SMARCA5: variants seen among roughly 807,000 people sequenced by gnomAD.
SMARCA5 encodes the protein SNF2 related chromatin remodeling ATPase 5.
Under a neutral mutation model 140.4 loss-of-function variants are expected in SMARCA5, and 18 were observed. The observed-to-expected ratio is 0.13, with a 90% confidence interval of 0.09 to 0.19. SMARCA5 has a LOEUF of 0.19. SMARCA5 is among the 10% of genes least tolerant of loss of function. SMARCA5 has a pLI of 1.00. For synonymous variants in SMARCA5, 449 were observed against 419.6 expected, an observed-to-expected ratio of 1.07 and a Z score of -0.86; for missense variants, 606 against 1,276.8, an observed-to-expected ratio of 0.47 and a Z score of 8.01.
chr4:143,513,996 C>T lies in SMARCA5; in HGVS notation c.72C>T (p.Ile24=), dbSNP rs1168087556. 1 of 1,564,792 alleles carries T rather than the reference C, an allele frequency of 6.4e-7. No homozygotes were observed. The highest frequency in any genetic ancestry group is 8.6e-7 in the Non-Finnish European group (1 of 1,163,310). Residue 24 remains isoleucine, a synonymous_variant, in exon 1 of 24, where the codon ATC becomes ATT. Coordinates refer to ENST00000283131, the MANE Select transcript of SMARCA5 (RefSeq NM_003601.4). ...ESAPSKPAAS[I]ASGGSNSSNK... is the part of the protein sequence containing the mutation. Reference sequence around the variant, plus strand: ...CGCCTTCCAAGCCCGCAGCCTCGATCGCCAGCGGCGGGAGCAACAGCAGCA... The same window carrying T: ...CGCCTTCCAAGCCCGCAGCCTCGATTGCCAGCGGCGGGAGCAACAGCAGCA...
chr4:143,547,266 T>C (rs982223328), intron 20 of SMARCA5, 119 bp from the exon 21 acceptor site: 7 of 612,804 alleles, frequency 1.1e-5, no homozygotes, highest in Non-Finnish European at 2.0e-5. Flanking sequence ...CTGTGGTGAG[T>C]CTGCTTAGAA....
At chr4:143,526,080 GATA>G (rs1456329716) in intron 5 of SMARCA5, among the ~76,000 whole-genome samples, 198 bp from the exon 6 acceptor site, 3 of 152,174 alleles carry the variant, frequency 2.0e-5, no homozygotes, top group Admixed American at 6.5e-5. Flanking sequence ...TTATGCGGGT[GATA>G]ATAATACCTC....
Position 143,514,121 on chromosome 4 carries a change from T to G in SMARCA5, c.177+20T>G, listed in dbSNP as rs751335601. On this transcript the variant is annotated intron_variant, in intron 1 of 23. Transcript: ENST00000283131. ...ATGGAGGTGAGGGCGACTTGCGGCA[T>G]GGGGAGCGGGTGCAGCGGGGAGGAG... 7 of 1,515,492 alleles carry G rather than the reference T, an allele frequency of 4.6e-6. No homozygotes were observed. The African/African-American group carries it at 8.4e-5, about 18-fold the overall frequency. The allele number at this position is 1,515,492 out of a possible 1,614,324, so 93.9% of individuals were successfully genotyped here. A position where few individuals can be genotyped will look rare whatever the true frequency, so the allele number is the denominator to read the frequency against.
intron 23 of SMARCA5, among the ~76,000 whole-genome samples, chr4:143,551,864 C>A (rs1017677526): frequency 6.6e-6 from 1 of 151,904 alleles, no homozygotes; most frequent in Non-Finnish European, 1.5e-5. Context: ...CAGTTTTATT[C>A]TTTTTGCTTA....
chr4:143,548,318 ATCT>A, intron 22 of SMARCA5, 178 bp downstream of exon 22: 1 of 438,152 alleles, frequency 2.3e-6, no homozygotes, highest in Non-Finnish European at 4.1e-6. Context: ...ATCCTTTAGT[ATCT>A]TACGTCTTTA....
chr4:143,554,949 A>G lies in SMARCA5; in HGVS notation c.*1765A>G, dbSNP rs1578809107. 2 of 387,054 alleles carry G rather than the reference A, an allele frequency of 5.2e-6. No homozygotes were observed. Among genetic ancestry groups the G allele is most frequent in the Non-Finnish European group, 9.8e-6 (2 of 204,468 alleles). 24.0% of individuals were successfully genotyped at this position (387,054 alleles called of 1,614,324 possible). On this transcript the variant is annotated 3_prime_UTR_variant, in exon 24 of 24. Coordinates refer to ENST00000283131, the MANE Select transcript of SMARCA5 (RefSeq NM_003601.4). Reference sequence around the variant, plus strand: ...AACTGTGTGAAGGGAAACTCACTTGAAAAAAAAGCATGAACCAGCTAGGCC... The same window carrying G: ...AACTGTGTGAAGGGAAACTCACTTGGAAAAAAAGCATGAACCAGCTAGGCC...
In SMARCA5 at chr4:143,524,451, T is replaced by C. The variant is rs1466022314; in HGVS notation, c.504T>C (p.Phe168=). The part of the protein sequence containing the change: ...SSKATNVCTR[F]EDSPSYVKWG... ...AAGCAACCAATGTTTGCACTCGATT[T>C]GAAGACTCTCCATCGTGTATGTTAA... The change falls in exon 4 of 24, where the codon TTT becomes TTC. Residue 168 remains phenylalanine, a synonymous_variant. Transcript: ENST00000283131. The C allele has an allele frequency of 1.2e-6, 2 of 1,610,080 alleles. No homozygotes were observed. Among genetic ancestry groups the C allele is most frequent in the Non-Finnish European group, 1.7e-6 (2 of 1,176,678 alleles).
intron 14 of SMARCA5, among the ~76,000 whole-genome samples, chr4:143,541,741 C>T (rs1023721700): frequency 6.6e-6 from 1 of 152,154 alleles, no homozygotes; most frequent in Non-Finnish European, 1.5e-5. Context: ...GCTGCCACCC[C>T]GTGATGTTAT....
At position 143,514,044 on chromosome 4, in the gene SMARCA5, C is replaced by A; in HGVS notation, c.120C>A (p.Val40=). Residue 40 remains valine, a synonymous_variant, in exon 1 of 24, where the codon GTC becomes GTA. Coordinates refer to ENST00000283131, the MANE Select transcript of SMARCA5 (RefSeq NM_003601.4). ...GCAACAAAGGCGGCCCCGAAGGCGT[C>A]GCGGCGCAGGCGGTTGCGTCTGCGG... The part of the protein sequence containing the change: ...NSSNKGGPEG[V]AAQAVASAAS... 6.4e-7 allele frequency: 1 copy of A among 1,559,332 alleles called. No homozygotes were observed. The highest frequency in any genetic ancestry group is 8.6e-7 in the Non-Finnish European group (1 of 1,160,904).
In SMARCA5 at chr4:143,548,066, G is replaced by A; in HGVS notation, c.2911G>A (p.Asp971Asn). 1 of 1,612,994 alleles carries A rather than the reference G, an allele frequency of 6.2e-7. No individual in the cohort carries two copies. Among genetic ancestry groups the A allele is most frequent in the Non-Finnish European group, 8.5e-7 (1 of 1,179,254 alleles). Residue 971 changes from aspartate (D) to asparagine (N), a missense_variant, in exon 22 of 24, where the codon GAT becomes AAT. Physicochemically the swap from Asp to Asn is conservative, Grantham distance 23. Coordinates refer to ENST00000283131, the MANE Select transcript of SMARCA5 (RefSeq NM_003601.4). The stretch of plus-strand genomic sequence containing the variant: ...TGGATTTGACAAAGAAAATGTTTAT[G>A]ATGAATTGCGACAGTGTATTCGCAA... ...KLGFDKENVY[D>N]ELRQCIRNSP...
intron 14 of SMARCA5, 32 bp from the exon 15 acceptor site, chr4:143,543,472 TGTTCA>T (rs1578803329): frequency 6.4e-7 from 1 of 1,563,240 alleles, no homozygotes; most frequent in East Asian, 2.3e-5. Flanking sequence ...AAATAAAGTC[TGTTCA>T]GTTAACATTA....
chr4:143,553,049 T>A lies in SMARCA5; in HGVS notation c.3094-70T>A, dbSNP rs925942752. On this transcript the variant is annotated intron_variant, in intron 23 of 23. Transcript: ENST00000283131. ...AGTAGTTGTTATTACTAAAGTGTTA[T>A]AATGTGTCTGCAACTATATTTCATG... 4.4e-6 allele frequency: 5 copies of A among 1,139,066 alleles called. No individual in the cohort carries two copies. The Admixed American group carries it at 6.8e-5, about 16-fold the overall frequency. The allele number at this position is 1,139,066 out of a possible 1,614,324, so 70.6% of individuals were successfully genotyped here. A position where few individuals can be genotyped will look rare whatever the true frequency, so the allele number is the denominator to read the frequency against.
intron 14 of SMARCA5, 127 bp from the exon 15 acceptor site, chr4:143,543,382 A>G: frequency 1.3e-6 from 1 of 787,442 alleles, no homozygotes; most frequent in Non-Finnish European, 2.0e-6. Context: ...ATGTGAATAA[A>G]CAGTAAACAG....
At chr4:143,552,965 T>C (rs931175567) in intron 23 of SMARCA5, among the ~76,000 whole-genome samples, 154 bp from the exon 24 acceptor site, 1 of 152,038 alleles carries the variant, frequency 6.6e-6, no homozygotes, top group Non-Finnish European at 1.5e-5. Flanking sequence ...GGAGGCTTTA[T>C]AGTTTGCTTT....
chr4:143,530,336 G>A (rs1030305252), intron 8 of SMARCA5, 122 bp from the exon 9 acceptor site: 4 of 580,308 alleles, frequency 6.9e-6, no homozygotes, highest in Non-Finnish European at 1.1e-5. Context: ...TGGACTAAGT[G>A]ATTTTTTTTT....
chr4:143,528,442 C>T (rs986263471), intron 7 of SMARCA5, 141 bp from the exon 8 acceptor site: 31 of 627,224 alleles, frequency 4.9e-5, no homozygotes, highest in Non-Finnish European at 7.3e-5. Context: ...TGGCTGCGTA[C>T]TATTCGCTGA....
At position 143,555,475 on chromosome 4, in the gene SMARCA5, C is replaced by T. The variant is rs952784289; in HGVS notation, c.*2291C>T. The T allele has an allele frequency of 5.8e-6, 3 of 515,342 alleles. No homozygotes were observed. The highest frequency in any genetic ancestry group is 1.1e-5 in the Non-Finnish European group (3 of 279,552). The allele number at this position is 515,342 out of a possible 1,614,324, so 31.9% of individuals were successfully genotyped here. Reference sequence around the variant, plus strand: ...CTGTTCTGTGGAAAGTAAAGCATTCCAACACAGGGTTTCAGTGTAGATTGT... The same window carrying T: ...CTGTTCTGTGGAAAGTAAAGCATTCTAACACAGGGTTTCAGTGTAGATTGT... On this transcript the variant is annotated 3_prime_UTR_variant, in exon 24 of 24. Transcript: ENST00000283131.
intron 11 of SMARCA5, 52 bp from the exon 12 acceptor site, chr4:143,538,538 A>C (rs2149822497): frequency 1.9e-6 from 3 of 1,544,990 alleles, no homozygotes; most frequent in East Asian, 2.3e-5. Flanking sequence ...GTTACCCTTA[A>C]ATTTTTCTAC....
At position 143,555,569 on chromosome 4, in the gene SMARCA5, C is replaced by CT. The variant is rs200963449; in HGVS notation, c.*2398dup. The CT allele has an allele frequency of 0.044, 10,715 of 245,138 alleles. 105 individuals carry two copies. The highest frequency in any genetic ancestry group is 0.077 in the African/African-American group (3,220 of 41,846). 15.2% of individuals were successfully genotyped at this position (245,138 alleles called of 1,614,324 possible). A position where few individuals can be genotyped will look rare whatever the true frequency, so the allele number is the denominator to read the frequency against. On this transcript the variant is annotated 3_prime_UTR_variant, in exon 24 of 24. Transcript: ENST00000283131. Reference sequence around the variant, plus strand: ...TCTGATCATGATACTGAATAAATGTCTTTTTTTTTTTTTAACAACAAAGCA... The same window carrying CT: ...TCTGATCATGATACTGAATAAATGTCTTTTTTTTTTTTTTAACAACAAAGCA...
Sources: gnomAD v4.1 joint callset for allele counts (sites outside exome capture counted in the v4.1 genomes callset) on GRCh38, gnomAD v4.1.1 for gene constraint, MANE v1.5 for transcripts, NCBI Gene and HGNC (gene_info 2026-07-23, HGNC 2026-07-21) for gene names.